The following GRM3 variants were observed in gnomAD, a reference collection of about 807,000 sequenced individuals.
The protein encoded by GRM3 is metabotropic glutamate receptor 3.
GRM3 carries 26 observed loss-of-function variants against 70.5 expected under a neutral mutation model. The observed-to-expected ratio is 0.37, with a 90% CI of 0.27 to 0.51. The LOEUF is 0.51. Among genes scored for constraint, GRM3 ranks in the 20% least tolerant of loss-of-function variants. The pLI is 0.93. For missense variants in GRM3, 859 were observed against 1,123.8 expected (o/e 0.76, Z 3.37); for synonymous variants, 443 against 434.9 (o/e 1.02, Z -0.23).
chr7:86,667,883 C>G (rs929896343), intron 1 of GRM3, among the ~76,000 whole-genome samples: 1 of 152,098 alleles, frequency 6.6e-6, no homozygotes, highest in Non-Finnish European at 1.5e-5. Context: ...CTTCTAGTCA[C>G]TTTCACCCAC....
chr7:86,691,510 G>A (rs1794695592), intron 1 of GRM3, among the ~76,000 whole-genome samples: 1 of 152,194 alleles, frequency 6.6e-6, no homozygotes, highest in South Asian at 2.1e-4. Flanking sequence ...AGGGCATATA[G>A]GAAAGGCATA....
chr7:86,797,831 G>T lies in GRM3; in HGVS notation c.1324+10715G>T, dbSNP rs150307015. Among the ~76,000 whole-genome samples the T allele has an allele frequency of 1.2e-3, 189 of 152,204 alleles. 2 individuals carry two copies. Among genetic ancestry groups the T allele is most frequent in the African/African-American group, 4.4e-3 (184 of 41,534 alleles). On this transcript the variant is annotated intron_variant, in intron 3 of 5. Coordinates refer to ENST00000361669, the MANE Select transcript of GRM3 (RefSeq NM_000840.3). ...TCAGAAGGCCTAGGAGATAAAAAAT[G>T]ATTTCCTGGGCTGGGACCAGGGCCT...
chr7:86,684,662 C>G (rs1266975041), intron 1 of GRM3, among the ~76,000 whole-genome samples: 1 of 152,188 alleles, frequency 6.6e-6, no homozygotes, highest in Non-Finnish European at 1.5e-5. Context: ...GTAAAGTGAA[C>G]TTAGCAAAAT....
At chr7:86,756,612 AT>A (rs1345740347) in intron 1 of GRM3, among the ~76,000 whole-genome samples, 1 of 152,096 alleles carries the variant, frequency 6.6e-6, no homozygotes, top group Non-Finnish European at 1.5e-5. Flanking sequence ...GTGCTGCTTT[AT>A]TCTGATTGTT....
intron 1 of GRM3, among the ~76,000 whole-genome samples, chr7:86,726,205 G>A: frequency 6.6e-6 from 1 of 152,182 alleles, no homozygotes; most frequent in East Asian, 1.9e-4. Context: ...GCAGTTCTTA[G>A]TTTACAATCA....
At chr7:86,684,670 A>C (rs926325264) in intron 1 of GRM3, among the ~76,000 whole-genome samples, 1 of 152,210 alleles carries the variant, frequency 6.6e-6, no homozygotes, top group African/African-American at 2.4e-5. Context: ...AACTTAGCAA[A>C]ATTTCTAGCT....
intron 4 of GRM3, 52 bp from the exon 5 acceptor site, chr7:86,850,318 C>T (rs1798732253): frequency 8.5e-6 from 11 of 1,301,622 alleles, no homozygotes; most frequent in Non-Finnish European, 1.1e-5. Context: ...CTTTAGTTGG[C>T]CACTTGACTG....
At chr7:86,706,964 G>A (rs948787523) in intron 1 of GRM3, among the ~76,000 whole-genome samples, 4 of 151,976 alleles carry the variant, frequency 2.6e-5, no homozygotes, top group East Asian at 1.9e-4. Context: ...TTCAGTGAAC[G>A]TTATAACATC....
At chr7:86,796,975 A>T (rs1797565855) in intron 3 of GRM3, among the ~76,000 whole-genome samples, 1 of 152,196 alleles carries the variant, frequency 6.6e-6, no homozygotes, top group African/African-American at 2.4e-5. Flanking sequence ...GCCATGTAAG[A>T]TATGCCTTTG....
intron 5 of GRM3, among the ~76,000 whole-genome samples, chr7:86,852,815 T>A (rs1246069758): frequency 2.0e-5 from 3 of 152,146 alleles, no homozygotes; most frequent in Non-Finnish European, 4.4e-5. Flanking sequence ...ACTCATTTTA[T>A]CCTCATGAGT....
At chr7:86,841,501 CT>C in intron 4 of GRM3, among the ~76,000 whole-genome samples, 1 of 152,116 alleles carries the variant, frequency 6.6e-6, no homozygotes, top group East Asian at 1.9e-4. Context: ...CCATCTCTAT[CT>C]TTTGTCTTTA....
intron 4 of GRM3, among the ~76,000 whole-genome samples, chr7:86,848,693 A>G (rs1310858219): frequency 6.6e-6 from 1 of 152,116 alleles, no homozygotes; most frequent in Non-Finnish European, 1.5e-5. Context: ...TGTGTGGCCC[A>G]TCTTGTCCAT....
intron 3 of GRM3, among the ~76,000 whole-genome samples, chr7:86,794,905 T>C (rs1262738877): frequency 6.6e-6 from 1 of 151,610 alleles, no homozygotes; most frequent in Non-Finnish European, 1.5e-5. Flanking sequence ...ACAATTTTAC[T>C]AGCACAGAGT....
In GRM3 at chr7:86,824,658, T is replaced by G. The variant is rs372711360; in HGVS notation, c.1325-14181T>G. On this transcript the variant is annotated intron_variant, in intron 3 of 5. Coordinates refer to ENST00000361669, the MANE Select transcript of GRM3 (RefSeq NM_000840.3). ...CTAGTTGGATATGTGATTACCATAA[T>G]TCTCACATGTACTACTAACTTTCTC... Among the ~76,000 whole-genome samples the G allele has an allele frequency of 3.5e-4, 53 of 152,324 alleles. 1 individual carries two copies. In the South Asian group the frequency reaches 8.7e-3, roughly 25 times the overall value.
chr7:86,814,160 A>G (rs925888367), intron 3 of GRM3, among the ~76,000 whole-genome samples: 5 of 151,862 alleles, frequency 3.3e-5, no homozygotes, highest in Non-Finnish European at 7.4e-5. Flanking sequence ...TTGCGGTCAC[A>G]GTCTGAATGT....
At chr7:86,767,223 A>AG (rs1178203726) in intron 2 of GRM3, among the ~76,000 whole-genome samples, 1 of 151,960 alleles carries the variant, frequency 6.6e-6, no homozygotes, top group Non-Finnish European at 1.5e-5. Context: ...AAAAAAAAAA[A>AG]TGTAAATAAT....
intron 1 of GRM3, among the ~76,000 whole-genome samples, chr7:86,661,273 T>C (rs1001129404): frequency 6.6e-5 from 10 of 152,008 alleles, no homozygotes; most frequent in African/African-American, 2.4e-4. Flanking sequence ...TCATGATTAT[T>C]TAGGGAATGC....
At chr7:86,669,477 A>C (rs1161639951) in intron 1 of GRM3, among the ~76,000 whole-genome samples, 2 of 152,322 alleles carry the variant, frequency 1.3e-5, no homozygotes, top group East Asian at 3.9e-4. Context: ...GAAAATCTTC[A>C]CATTTTTCTA....
intron 1 of GRM3, among the ~76,000 whole-genome samples, chr7:86,709,875 T>C (rs1167392582): frequency 6.6e-6 from 1 of 152,124 alleles, no homozygotes; most frequent in Non-Finnish European, 1.5e-5. Flanking sequence ...AAGAGAGACA[T>C]GCAAGAAGTG....
Sources: allele counts gnomAD v4.1 joint callset (sites outside exome capture counted in the v4.1 genomes callset), GRCh38; gene constraint gnomAD v4.1.1; transcripts MANE v1.5; gene names NCBI Gene and HGNC (gene_info 2026-07-23, HGNC 2026-07-21).